PCDHA2: variants seen among roughly 807,000 people sequenced by gnomAD.
PCDHA2 encodes the protein protocadherin alpha-2.
In PCDHA2, 58 loss-of-function variants were observed where a neutral mutation model predicts 66.0. The observed-to-expected ratio is 0.88, with a 90% CI of 0.71 to 1.09. The LOEUF (loss-of-function observed/expected upper bound fraction) is 1.09, where lower values mean the gene tolerates loss of function less well. PCDHA2 is among the 50% of genes least tolerant of loss of function. The probability of loss-of-function intolerance (pLI) is 0.00; values close to 1 mark genes in which losing one functional copy is unlikely to be tolerated. For synonymous variants in PCDHA2, 634 were observed against 554.0 expected (o/e 1.14, Z -2.03); for missense variants, 1,267 against 1,242.3 (o/e 1.02, Z -0.30).
Position 140,796,809 on chromosome 5 carries a change from T to G in PCDHA2, c.1845T>G (p.Thr615=), listed in dbSNP as rs781867380. 1.2e-6 allele frequency: 2 copies of G among 1,614,126 alleles called. No individual in the cohort carries two copies. Among genetic ancestry groups the G allele is most frequent in the Non-Finnish European group, 1.7e-6 (2 of 1,179,968 alleles). ...TTTCGTACGAGCTTCAGCTGGGTAC[T>G]GGCAGCGCTCGCATCCCGTTCCGCG... The part of the protein sequence containing the change: ...AWLSYELQLG[T]GSARIPFRVG... The change falls in exon 1 of 4, where the codon ACT becomes ACG. Residue 615 remains threonine, a synonymous_variant. Transcript: ENST00000526136.
intron 1 of PCDHA2, among the ~76,000 whole-genome samples, chr5:140,925,526 C>T (rs2153578026): frequency 6.6e-6 from 1 of 152,028 alleles, no homozygotes; most frequent in Non-Finnish European, 1.5e-5. Flanking sequence ...AAATTAAAAG[C>T]GAGGAGAAAT....
Position 140,795,151 on chromosome 5 carries a change from C to T in PCDHA2, c.187C>T (p.Leu63=). Residue 63 remains leucine (L), a synonymous_variant, in exon 1 of 4, where the codon CTG becomes TTG. Transcript: ENST00000526136. ...GGAGCTGGAGGAGCTGGTGCCGCGC[C>T]TGTTCCGGGTGGCGTCCAAAAGACA... ...GLELEELVPR[L]FRVASKRHGD... 6.2e-7 allele frequency: 1 copy of T among 1,614,062 alleles called. No individual in the cohort carries two copies. The highest frequency in any genetic ancestry group is 1.1e-5 in the South Asian group (1 of 91,080).
chr5:140,918,901 CTT>C (rs1386679785), intron 1 of PCDHA2, among the ~76,000 whole-genome samples: 6 of 152,198 alleles, frequency 3.9e-5, no homozygotes, highest in African/African-American at 1.4e-4. Flanking sequence ...ATAAATCTCT[CTT>C]GTTTATTAAC....
Position 140,849,728 on chromosome 5 carries a change from A to C in PCDHA2, c.2388+52376A>C, listed in dbSNP as rs144507871. ...ATTACTACTCGTTGGTGCTGGACAG[A>C]GCTCTGGACCGCGAGAGTGTGTCCG... On this transcript the variant is annotated intron_variant, in intron 1 of 3. Transcript: ENST00000526136. 513 of 1,598,410 alleles carry C rather than the reference A, an allele frequency of 3.2e-4. 33 individuals carry two copies. In the African/African-American group the frequency reaches 4.5e-3, roughly 14 times the overall value.
intron 3 of PCDHA2, among the ~76,000 whole-genome samples, chr5:141,000,038 C>T (rs1554257087): frequency 3.3e-5 from 5 of 152,092 alleles, no homozygotes; most frequent in Non-Finnish European, 5.9e-5. Flanking sequence ...TCCAATCACA[C>T]ACACACCACT....
At chr5:140,825,107 A>G (rs1768448752) in intron 1 of PCDHA2, 1 of 151,744 alleles carries the variant, frequency 6.6e-6, no homozygotes, top group Non-Finnish European at 1.5e-5. Context: ...TTCATATACA[A>G]ATAAACTTCC....
At chr5:140,980,307 TA>T (rs1554241617) in intron 2 of PCDHA2, among the ~76,000 whole-genome samples, 2 of 152,140 alleles carry the variant, frequency 1.3e-5, no homozygotes, top group African/African-American at 4.8e-5. Context: ...AGTTGTGCCT[TA>T]AAAACTACAT....
At chr5:141,006,382 T>A (rs2098271166) in intron 3 of PCDHA2, among the ~76,000 whole-genome samples, 1 of 151,910 alleles carries the variant, frequency 6.6e-6, no homozygotes, top group African/African-American at 2.4e-5. Context: ...CGGCTAAGTT[T>A]TTTCTATTTT....
chr5:140,945,430 T>C (rs1389561787), intron 1 of PCDHA2, among the ~76,000 whole-genome samples: 2 of 152,082 alleles, frequency 1.3e-5, no homozygotes, highest in African/African-American at 4.8e-5. Flanking sequence ...ATGAAGTTTT[T>C]ACAGAAATAT....
chr5:140,972,758 A>G lies in PCDHA2; in HGVS notation c.2389-6191A>G, dbSNP rs563540989. Among the ~76,000 whole-genome samples, 16 of 150,884 alleles carry G rather than the reference A, an allele frequency of 1.1e-4. No individual in the cohort carries two copies. In the South Asian group the frequency reaches 3.4e-3, roughly 32 times the overall value. On this transcript the variant is annotated intron_variant, in intron 1 of 3. Transcript: ENST00000526136. ...GGCTCACTGCAACCTCCGCCTCCCA[A>G]GTTAAAGTGATTCTTCTGCCTCAGC...
At chr5:140,951,343 G>C (rs2094573680) in intron 1 of PCDHA2, among the ~76,000 whole-genome samples, 1 of 151,988 alleles carries the variant, frequency 6.6e-6, no homozygotes, top group South Asian at 2.1e-4. Flanking sequence ...GTTTGTGTTA[G>C]TCCATTATTG....
intron 1 of PCDHA2, among the ~76,000 whole-genome samples, chr5:140,846,531 T>C (rs1780536785): frequency 6.7e-6 from 1 of 148,410 alleles, no homozygotes; most frequent in African/African-American, 2.5e-5. Flanking sequence ...CATGCCACCA[T>C]GCCCTGCTAA....
chr5:140,857,567 G>A, intron 1 of PCDHA2: 1 of 1,596,986 alleles, frequency 6.3e-7, no homozygotes, highest in South Asian at 1.1e-5. Flanking sequence ...GTCGAGCTAC[G>A]TGTCGGTGCA....
chr5:140,840,489 C>G (rs2150307286), intron 1 of PCDHA2, among the ~76,000 whole-genome samples: 3 of 151,924 alleles, frequency 2.0e-5, no homozygotes, highest in Non-Finnish European at 4.4e-5. Context: ...AGGCATAATT[C>G]TGGTAAATAC....
intron 1 of PCDHA2, chr5:140,966,963 G>C: frequency 6.2e-7 from 1 of 1,602,992 alleles, no homozygotes; most frequent in Non-Finnish European, 8.5e-7. Context: ...CGCGCGCTGG[G>C]GCTTGAGCTG....
chr5:140,882,164 C>T (rs2058984922), intron 1 of PCDHA2: 2 of 1,509,832 alleles, frequency 1.3e-6, no homozygotes. Flanking sequence ...ATACCTCTTG[C>T]GAATCCTTCC....
intron 1 of PCDHA2, chr5:140,824,297 C>A: frequency 1.1e-6 from 1 of 881,762 alleles, no homozygotes; most frequent in Non-Finnish European, 1.8e-6. Context: ...GGCTTTTCTG[C>A]TGGGGTAATA....
chr5:140,828,328 G>C (rs2150154136), intron 1 of PCDHA2: 2 of 1,614,228 alleles, frequency 1.2e-6, no homozygotes, highest in Admixed American at 3.3e-5. Flanking sequence ...AGGTAAATCT[G>C]CAGAATGGCA....
At chr5:140,917,070 G>A (rs528403297) in intron 1 of PCDHA2, among the ~76,000 whole-genome samples, 14 of 152,102 alleles carry the variant, frequency 9.2e-5, no homozygotes, top group Non-Finnish European at 1.9e-4. Context: ...ACAGCACCGA[G>A]TTTAATGTAA....
Sources: allele counts gnomAD v4.1 joint callset (sites outside exome capture counted in the v4.1 genomes callset), GRCh38; gene constraint gnomAD v4.1.1; transcripts MANE v1.5; gene names NCBI Gene and HGNC (gene_info 2026-07-23, HGNC 2026-07-21).